Variants in NFRKB observed in about 807,000 individuals in gnomAD.
NFRKB encodes the protein nuclear factor related to kappaB binding protein, also known as nuclear factor related to kappa-B-binding protein.
In NFRKB, 62 loss-of-function variants were observed where a neutral mutation model predicts 135.7. That is an observed-to-expected ratio of 0.46 (90% CI 0.37 to 0.56). NFRKB has a LOEUF of 0.56. NFRKB is among the 20% of genes least tolerant of loss of function. The pLI, the probability that NFRKB is intolerant of heterozygous loss-of-function variation, is 0.00. For missense variants in NFRKB, 1,545 were observed against 1,662.0 expected (o/e 0.93, Z 1.22); for synonymous variants, 678 against 635.6 (o/e 1.07, Z -1.00).
Position 129,869,663 on chromosome 11 carries a change from G to C in NFRKB, c.3362C>G (p.Ser1121Cys). 6.2e-7 allele frequency: 1 copy of C among 1,614,248 alleles called. No individual in the cohort carries two copies. The highest frequency in any genetic ancestry group is 1.1e-5 in the South Asian group (1 of 91,090). ...AKQGASVASG[S>C]GTVHTSAVSL... ...CACCGCTGAAGTATGGACAGTTCCA[G>C]ACCCACTGGCCACCGAGGCCCCTTG... is the stretch of plus-strand genomic sequence containing the variant. The change falls in exon 24 of 27, where the codon TCT (serine) becomes TGT (cysteine). Residue 1121 changes from serine to cysteine, a missense_variant. By Grantham distance (112) the Ser-to-Cys change is moderately radical. Around this residue, in one of 3 missense-constraint regions of NFRKB, gnomAD observed 753 missense variants for 804.3 expected, o/e 0.94. Coordinates refer to ENST00000682444, the MANE Select transcript of NFRKB (RefSeq NM_001143835.2).
At chr11:129,889,345 A>G (rs1190316346) in intron 3 of NFRKB, among the ~76,000 whole-genome samples, 1 of 152,142 alleles carries the variant, frequency 6.6e-6, no homozygotes, top group Non-Finnish European at 1.5e-5. Context: ...TCCAACAGTA[A>G]ATAATTATCC....
intron 1 of NFRKB, among the ~76,000 whole-genome samples, chr11:129,895,279 G>A (rs1328135312): frequency 6.6e-6 from 1 of 152,168 alleles, no homozygotes; most frequent in African/African-American, 2.4e-5. Context: ...CCCAAGGCCC[G>A]GGTCCAATCC....
At chr11:129,868,047 GGGGTAAGGAAGA>G (rs1160312422) in intron 24 of NFRKB, among the ~76,000 whole-genome samples, 6 of 151,862 alleles carry the variant, frequency 4.0e-5, no homozygotes, top group Non-Finnish European at 8.8e-5. Flanking sequence ...TTATGATCCT[GGGGTAAGGAAGA>G]CACAGACACG....
rs1233805925 is a variant in NFRKB at position 129,878,334 on chromosome 11, C to T, written c.1486G>A (p.Asp496Asn). 6.2e-7 allele frequency: 1 copy of T among 1,614,094 alleles called. No individual in the cohort carries two copies. Among genetic ancestry groups the T allele is most frequent in the Admixed American group, 1.7e-5 (1 of 60,004 alleles). ...ACCCGAGGGACAGGTGTTGTGGCAT[C>T]TGAGCTGTCTTCATTTTCTTGCTGG... ...FCKQENEDSS[D>N]ATTPVPRVRT... The change falls in exon 15 of 27, where the codon GAT becomes AAT. Residue 496 changes from aspartate to asparagine, a missense_variant. By Grantham distance (23) the Asp-to-Asn change is conservative. This residue lies in a region of NFRKB where 678 missense variants were observed against 646.7 expected (regional missense o/e 1.05). Coordinates refer to ENST00000682444, the MANE Select transcript of NFRKB (RefSeq NM_001143835.2).
chr11:129,871,834 T>C (rs1948523854), intron 23 of NFRKB, among the ~76,000 whole-genome samples: 1 of 152,190 alleles, frequency 6.6e-6, no homozygotes, highest in African/African-American at 2.4e-5. Flanking sequence ...TTGCTCACCA[T>C]CTTCCAGTGG....
chr11:129,874,341 G>A lies in NFRKB; in HGVS notation c.2059-8C>T, dbSNP rs781495971. 1.4e-5 allele frequency: 22 copies of A among 1,518,380 alleles called. No individual in the cohort carries two copies. Among genetic ancestry groups the A allele is most frequent in the African/African-American group, 2.8e-5 (2 of 71,616 alleles). 94.1% of individuals were successfully genotyped at this position (1,518,380 alleles called of 1,614,324 possible). A position where few individuals can be genotyped will look rare whatever the true frequency, so the allele number is the denominator to read the frequency against. ...CTCCTTGCTACTGGACTTCTAGAACGGAAGACAAAGAAAACTCACCTGGTG... is the reference window on the plus strand; with the variant it reads ...CTCCTTGCTACTGGACTTCTAGAACAGAAGACAAAGAAAACTCACCTGGTG... On this transcript the variant is annotated splice_region_variant and splice_polypyrimidine_tract_variant and intron_variant, in intron 20 of 26. Coordinates refer to ENST00000682444, the MANE Select transcript of NFRKB (RefSeq NM_001143835.2). The surrounding 1 kb of genome is among the most constrained non-coding windows in gnomAD (Gnocchi z 4.5).
intron 4 of NFRKB, 32 bp downstream of exon 4, chr11:129,888,562 C>G (rs1198595689): frequency 6.3e-7 from 1 of 1,595,742 alleles, no homozygotes. Flanking sequence ...CATCCACCAC[C>G]CCCCTCAAAG....
chr11:129,881,981 G>C (rs1259397319), intron 11 of NFRKB, 105 bp downstream of exon 11: 2 of 1,455,736 alleles, frequency 1.4e-6, no homozygotes, highest in Non-Finnish European at 1.8e-6. Context: ...GTTAACTACA[G>C]AGCGTTGAGA....
chr11:129,878,105 C>A (rs900466983), intron 15 of NFRKB, among the ~76,000 whole-genome samples: 1 of 152,144 alleles, frequency 6.6e-6, no homozygotes, highest in Non-Finnish European at 1.5e-5. Flanking sequence ...GGCTCTCCTG[C>A]CGTCCCCTCT....
Position 129,881,467 on chromosome 11 carries a change from T to G in NFRKB, c.1360A>C (p.Lys454Gln). ...CCAAGCAACTTCCACTGCTGGGTTT[T>G]CTCTTTGAATTCAACAAATGGAGAG... Reference protein sequence around the residue: ...SFSPFVEFKEKTQQWKLLGQS... With the variant: ...SFSPFVEFKEQTQQWKLLGQS... The change falls in exon 13 of 27, where the codon AAA becomes CAA. Residue 454 changes from lysine (K) to glutamine (Q), a missense_variant. Lys to Gln is a moderately conservative substitution (Grantham distance 53). Transcript: ENST00000682444. 6.2e-7 allele frequency: 1 copy of G among 1,614,164 alleles called. No homozygotes were observed. Among genetic ancestry groups the G allele is most frequent in the Non-Finnish European group, 8.5e-7 (1 of 1,180,022 alleles).
intron 18 of NFRKB, 40 bp downstream of exon 18, chr11:129,875,317 A>G: frequency 6.7e-7 from 1 of 1,493,076 alleles, no homozygotes; most frequent in Non-Finnish European, 9.2e-7. Context: ...TCTTAAATCC[A>G]TTCTGGAACA....
intron 7 of NFRKB, among the ~76,000 whole-genome samples, chr11:129,884,433 T>C (rs964168213): frequency 1.3e-5 from 2 of 152,230 alleles, no homozygotes; most frequent in Non-Finnish European, 2.9e-5. Context: ...GGAGAACGGC[T>C]TGGCTCTGGT....
At chr11:129,881,968 C>A (rs1949049114) in intron 11 of NFRKB, 115 bp from the exon 12 acceptor site, 1 of 1,484,656 alleles carries the variant, frequency 6.7e-7, no homozygotes, top group Non-Finnish European at 9.0e-7. Context: ...AATCACAAAG[C>A]AAGTTAACTA....
At chr11:129,872,378 G>C (rs1419776916) in intron 23 of NFRKB, among the ~76,000 whole-genome samples, 1 of 151,994 alleles carries the variant, frequency 6.6e-6, no homozygotes, top group South Asian at 2.1e-4. Flanking sequence ...AATAATAAGA[G>C]TGCCTACCCC....
At chr11:129,880,380 T>C (rs972368617) in intron 13 of NFRKB, among the ~76,000 whole-genome samples, 1 of 152,002 alleles carries the variant, frequency 6.6e-6, no homozygotes, top group African/African-American at 2.4e-5. Context: ...CCCACCTAAG[T>C]CTTTCTCAAA....
intron 3 of NFRKB, among the ~76,000 whole-genome samples, chr11:129,892,174 C>A (rs1029974344): frequency 1.3e-5 from 2 of 152,150 alleles, no homozygotes; most frequent in Admixed American, 6.5e-5. Context: ...GTGTACACTG[C>A]ACCCAATGTG....
At chr11:129,888,473 T>C (rs770878585) in intron 4 of NFRKB, 121 bp downstream of exon 4, 10 of 1,060,720 alleles carry the variant, frequency 9.4e-6, no homozygotes, top group Non-Finnish European at 1.4e-5. Context: ...AAACCGCTCT[T>C]TGCTGCCTCA....
At chr11:129,885,641 T>C (rs1178082587) in intron 5 of NFRKB, 32 bp from the exon 6 acceptor site, 1 of 1,578,076 alleles carries the variant, frequency 6.3e-7, no homozygotes, top group Non-Finnish European at 8.6e-7. Context: ...GTACAAGTCA[T>C]CATCCAAGAC....
intron 16 of NFRKB, 123 bp downstream of exon 16, chr11:129,877,202 A>G (rs1351483518): frequency 2.0e-6 from 2 of 980,068 alleles, no homozygotes; most frequent in Non-Finnish European, 3.2e-6. Context: ...CCCAGCCAAC[A>G]GAAGGTCTAA....
Sources: allele counts gnomAD v4.1 joint callset (sites outside exome capture counted in the v4.1 genomes callset), GRCh38; gene constraint gnomAD v4.1.1; regional missense constraint gnomAD v4.1.1; non-coding constraint Gnocchi (gnomAD v3.1); transcripts MANE v1.5; gene names NCBI Gene and HGNC (gene_info 2026-07-23, HGNC 2026-07-21).